RPRD1A: variants seen among roughly 807,000 people sequenced by gnomAD.
The protein encoded by RPRD1A is regulation of nuclear pre-mRNA domain-containing protein 1A.
RPRD1A carries 9 observed loss-of-function variants against 37.8 expected under a neutral mutation model. That is an observed-to-expected ratio of 0.24 (90% CI 0.14 to 0.42). The LOEUF is 0.42. Among genes scored for constraint, RPRD1A ranks in the 10% least tolerant of loss-of-function variants. The pLI is 1.00. For synonymous variants in RPRD1A, 138 were observed against 139.7 expected, an observed-to-expected ratio of 0.99 and a Z score of 0.08; for missense variants, 255 against 371.0, an observed-to-expected ratio of 0.69 and a Z score of 2.57.
chr18:36,064,597 CTG>C (rs556268914), intron 1 of RPRD1A, among the ~76,000 whole-genome samples: 136 of 152,234 alleles, frequency 8.9e-4, no homozygotes, highest in Non-Finnish European at 1.4e-3. Flanking sequence ...ACAATCAGTG[CTG>C]TGTGTCTCGC....
intron 6 of RPRD1A, among the ~76,000 whole-genome samples, chr18:36,021,928 G>A (rs1369336055): frequency 2.6e-5 from 4 of 152,136 alleles, no homozygotes; most frequent in African/African-American, 7.2e-5. Flanking sequence ...TAGAGCCCAG[G>A]AGGTTGAAGT....
In RPRD1A at chr18:36,005,766, CCATATATCACT is replaced by C. The variant is rs1425443202; in HGVS notation, c.790-12477_790-12467del. On this transcript the variant is annotated intron_variant, in intron 6 of 6. Coordinates refer to ENST00000399022, the MANE Select transcript of RPRD1A (RefSeq NM_018170.5). ...CCAATTACCAGTTCATGATTTTACT[CCATATATCACT>C]CACTGGAGACTAACCAAGATAGACA... Among the ~76,000 whole-genome samples the C allele has an allele frequency of 8.5e-5, 13 of 152,182 alleles. 1 individual carries two copies. Among genetic ancestry groups the C allele is most frequent in the African/African-American group, 3.1e-4 (13 of 41,450 alleles).
chr18:35,993,211 G>A lies in RPRD1A; in HGVS notation c.879C>T (p.Pro293=), dbSNP rs2144128550. Reference sequence around the variant, plus strand: ...GGTGCATGTGGCTGCCAGTGACATTGGGCAATCGAGATAAGTCTGGCAGGC... The same window carrying A: ...GGTGCATGTGGCTGCCAGTGACATTAGGCAATCGAGATAAGTCTGGCAGGC... ...IQSLPDLSRL[P]NVTGSHMHLP... The change falls in exon 7 of 7, where the codon CCC becomes CCT. Residue 293 remains proline (P), a synonymous_variant. Transcript: ENST00000399022. 2 of 1,614,150 alleles carry A rather than the reference G, an allele frequency of 1.2e-6. No individual in the cohort carries two copies. Among genetic ancestry groups the A allele is most frequent in the East Asian group, 2.2e-5 (1 of 44,880 alleles).
chr18:36,008,308 T>C (rs114860284), intron 6 of RPRD1A, among the ~76,000 whole-genome samples: 298 of 151,834 alleles, frequency 2.0e-3, no homozygotes, highest in African/African-American at 7.0e-3. Flanking sequence ...CTGTGTGCAG[T>C]AGCTTATACC....
intron 1 of RPRD1A, among the ~76,000 whole-genome samples, chr18:36,056,888 G>T (rs1171803640): frequency 6.6e-6 from 1 of 151,504 alleles, no homozygotes; most frequent in African/African-American, 2.4e-5. Context: ...TCTTTTTTCT[G>T]TATAATCCTC....
intron 6 of RPRD1A, among the ~76,000 whole-genome samples, chr18:36,008,859 ACT>A (rs776433189): frequency 3.2e-4 from 49 of 151,184 alleles, no homozygotes; most frequent in Non-Finnish European, 5.3e-4. Flanking sequence ...TATGGTTTTG[ACT>A]CTGTTACTTA....
At chr18:36,027,474 G>A in intron 4 of RPRD1A, 164 bp from the exon 5 acceptor site, 2 of 686,656 alleles carry the variant, frequency 2.9e-6, no homozygotes, top group Non-Finnish European at 4.8e-6. Flanking sequence ...TAAGAAAAAA[G>A]GAGGCTATAC....
chr18:36,057,559 T>A (rs1913881345), intron 1 of RPRD1A, among the ~76,000 whole-genome samples: 1 of 152,066 alleles, frequency 6.6e-6, no homozygotes, highest in South Asian at 2.1e-4. Flanking sequence ...TTGCTGTGAG[T>A]TGAGATCATG....
At chr18:36,050,260 C>A (rs75276579) in intron 1 of RPRD1A, among the ~76,000 whole-genome samples, 72 of 149,382 alleles carry the variant, frequency 4.8e-4, no homozygotes, top group African/African-American at 1.6e-3. Flanking sequence ...AAAAAAAAAA[C>A]AGGGTCTCAC....
chr18:36,007,656 C>G (rs1909830726), intron 6 of RPRD1A, among the ~76,000 whole-genome samples: 1 of 152,100 alleles, frequency 6.6e-6, no homozygotes, highest in South Asian at 2.1e-4. Context: ...AAACTAAATT[C>G]TGGCCGGGCA....
At chr18:36,065,135 T>C (rs1184709937) in intron 1 of RPRD1A, among the ~76,000 whole-genome samples, 1 of 152,128 alleles carries the variant, frequency 6.6e-6, no homozygotes, top group Non-Finnish European at 1.5e-5. Flanking sequence ...AGCTTCATTC[T>C]TGAAGTCAGC....
At chr18:36,010,233 C>A (rs1175021490) in intron 6 of RPRD1A, among the ~76,000 whole-genome samples, 1 of 151,966 alleles carries the variant, frequency 6.6e-6, no homozygotes. Flanking sequence ...CTTTGTGAGG[C>A]CAAGGCAGGT....
At chr18:36,053,839 A>G (rs1351288760) in intron 1 of RPRD1A, among the ~76,000 whole-genome samples, 2 of 152,130 alleles carry the variant, frequency 1.3e-5, no homozygotes, top group Non-Finnish European at 2.9e-5. Context: ...GAAAAAGGAA[A>G]AGGGAGATGC....
intron 1 of RPRD1A, among the ~76,000 whole-genome samples, chr18:36,058,034 C>T (rs550801299): frequency 1.6e-3 from 239 of 152,248 alleles, no homozygotes; most frequent in South Asian, 7.5e-3. Context: ...ATAAAGAAAC[C>T]TAATAGAAGA....
At chr18:36,046,812 G>T (rs1912988628) in intron 1 of RPRD1A, among the ~76,000 whole-genome samples, 1 of 150,862 alleles carries the variant, frequency 6.6e-6, no homozygotes, top group Non-Finnish European at 1.5e-5. Flanking sequence ...TTCAGCCTGG[G>T]TGACAGTGAG....
Position 36,008,577 on chromosome 18 carries a change from G to GTGTGTGTATATATATATATATA in RPRD1A, c.790-15278_790-15277insTATATATATATATATACACACA. 7.1e-4 allele frequency among the ~76,000 whole-genome samples: 34 copies of GTGTGTGTATATATATATATATA among 47,788 alleles called. 1 individual carries two copies. The highest frequency in any genetic ancestry group is 1.6e-3 in the African/African-American group (24 of 14,810). The allele number at this position is 47,788 out of a possible 152,430, so 31.4% of individuals were successfully genotyped here. The stretch of plus-strand genomic sequence containing the variant: ...GGCGACACAGCAAGACCTTGTGTGT[G>GTGTGTGTATATATATATATATA]TATATATATATATCTTTAAAAATCT... On this transcript the variant is annotated intron_variant, in intron 6 of 6. Transcript: ENST00000399022.
chr18:36,062,837 T>C (rs2144430282), intron 1 of RPRD1A: 1 of 152,316 alleles, frequency 6.6e-6, no homozygotes, highest in South Asian at 2.1e-4. Flanking sequence ...TCTTTCTGGG[T>C]AATAAAAATG....
In RPRD1A at chr18:36,067,281, T is replaced by C. The variant is rs1303294462; in HGVS notation, c.124A>G (p.Thr42Ala). Residue 42 changes from threonine (T) to alanine (A), a missense_variant, in exon 1 of 7, where the codon ACC becomes GCC. By Grantham distance (58) the Thr-to-Ala change is moderately conservative. This residue lies in a region of RPRD1A where 44 missense variants were observed against 102.1 expected (regional missense o/e 0.43). Transcript: ENST00000399022. ...TTCCGCAGCTCCCGCTCCCACACGG[T>C]GACGATGGGACGCGAGTGTTTACGG... ...HHRKHSRPIV[T>A]VWERELRKAK... 2 of 1,598,424 alleles carry C rather than the reference T, an allele frequency of 1.3e-6. No homozygotes were observed. The highest frequency in any genetic ancestry group is 1.7e-6 in the Non-Finnish European group (2 of 1,172,980).
chr18:36,014,596 A>G (rs951472540), intron 6 of RPRD1A, among the ~76,000 whole-genome samples: 1 of 152,152 alleles, frequency 6.6e-6, no homozygotes, highest in Non-Finnish European at 1.5e-5. Flanking sequence ...AAAAACAATT[A>G]GCCGGGTGTG....
Sources: allele counts gnomAD v4.1 joint callset (sites outside exome capture counted in the v4.1 genomes callset), GRCh38; gene constraint gnomAD v4.1.1; regional missense constraint gnomAD v4.1.1; transcripts MANE v1.5; gene names NCBI Gene and HGNC (gene_info 2026-07-23, HGNC 2026-07-21).